Variants in TBXAS1 observed in about 807,000 individuals in gnomAD.
The protein encoded by TBXAS1 is thromboxane-A synthase.
A neutral mutation model predicts 60.7 loss-of-function variants in TBXAS1; 48 were observed. The observed-to-expected ratio is 0.79, with a 90% confidence interval of 0.63 to 1.01. The LOEUF (loss-of-function observed/expected upper bound fraction) is 1.01. Ranked by LOEUF, TBXAS1 falls within the 50% of genes least tolerant of loss-of-function variation. The pLI, the probability that TBXAS1 is intolerant of heterozygous loss-of-function variation, is 0.00. For synonymous variants in TBXAS1, 287 were observed against 269.7 expected (o/e 1.06, Z -0.63); for missense variants, 685 against 686.3 (o/e 1.00, Z 0.02).
intron 2 of TBXAS1, among the ~76,000 whole-genome samples, chr7:139,782,065 G>A (rs2117220016): frequency 6.6e-6 from 1 of 151,976 alleles, no homozygotes; most frequent in African/African-American, 2.4e-5. Flanking sequence ...GGCCTTACCA[G>A]TCATGGGCCT....
intron 10 of TBXAS1, among the ~76,000 whole-genome samples, chr7:140,011,288 AC>A (rs1554508488): frequency 2.1e-5 from 3 of 144,926 alleles, no homozygotes; most frequent in African/African-American, 5.3e-5. Flanking sequence ...AAAAAAACAA[AC>A]AAACAAACAA....
At chr7:139,833,619 A>G (rs919674842) in intron 1 of TBXAS1, among the ~76,000 whole-genome samples, 5 of 151,568 alleles carry the variant, frequency 3.3e-5, no homozygotes, top group Admixed American at 3.3e-4. Context: ...TGGGAGGTGG[A>G]GGTTGCAGTG....
intron 3 of TBXAS1, among the ~76,000 whole-genome samples, chr7:139,785,599 A>G (rs1327446578): frequency 6.6e-6 from 1 of 151,972 alleles, no homozygotes. Context: ...TTTTTTTAAC[A>G]GATGTCCCTG....
At chr7:139,990,560 G>A (rs1306023406) in intron 9 of TBXAS1, among the ~76,000 whole-genome samples, 1 of 152,036 alleles carries the variant, frequency 6.6e-6, no homozygotes, top group Non-Finnish European at 1.5e-5. Context: ...ATCTCTGCTG[G>A]GCAGTCATCT....
intron 8 of TBXAS1, among the ~76,000 whole-genome samples, chr7:139,959,827 G>A (rs1810186315): frequency 6.6e-6 from 1 of 152,176 alleles, no homozygotes; most frequent in African/African-American, 2.4e-5. Flanking sequence ...AGAGGTCTGG[G>A]GGTGCTCTGG....
At chr7:139,935,507 T>C (rs1807679657) in intron 4 of TBXAS1, among the ~76,000 whole-genome samples, 1 of 152,188 alleles carries the variant, frequency 6.6e-6, no homozygotes, top group South Asian at 2.1e-4. Flanking sequence ...TCCGAGGTTC[T>C]TGGGGTCAGG....
At chr7:139,943,300 C>G (rs1317899190) in intron 5 of TBXAS1, among the ~76,000 whole-genome samples, 2 of 152,226 alleles carry the variant, frequency 1.3e-5, no homozygotes, top group Non-Finnish European at 2.9e-5. Context: ...TCTGGAATAG[C>G]TGGGTATTTA....
chr7:139,851,798 G>A (rs892329706), intron 1 of TBXAS1, among the ~76,000 whole-genome samples: 2 of 152,226 alleles, frequency 1.3e-5, no homozygotes, highest in East Asian at 3.8e-4. Flanking sequence ...AGGTGATGTG[G>A]TAGACAGCCT....
chr7:139,868,168 AG>A (rs1163384133), intron 1 of TBXAS1, among the ~76,000 whole-genome samples: 2 of 152,256 alleles, frequency 1.3e-5, no homozygotes, highest in East Asian at 3.8e-4. Context: ...TTCACATCAA[AG>A]GAAACCCATT....
At chr7:139,966,357 A>C (rs553898641) in intron 9 of TBXAS1, among the ~76,000 whole-genome samples, 1 of 152,350 alleles carries the variant, frequency 6.6e-6, no homozygotes, top group South Asian at 2.1e-4. Flanking sequence ...TGATAAAAAA[A>C]ACTCAGCCCA....
At chr7:139,863,683 A>G (rs1801137456) in intron 1 of TBXAS1, among the ~76,000 whole-genome samples, 1 of 152,234 alleles carries the variant, frequency 6.6e-6, no homozygotes. Flanking sequence ...CATGTGAACT[A>G]AACTAATAAC....
At chr7:140,002,255 A>G (rs1450138595) in intron 9 of TBXAS1, among the ~76,000 whole-genome samples, 2 of 152,236 alleles carry the variant, frequency 1.3e-5, no homozygotes, top group Non-Finnish European at 2.9e-5. Context: ...TTGGACCCCC[A>G]GCACCTGGTC....
rs183072901 is a variant in TBXAS1, at chr7:139,910,455, G to A, written c.237-770G>A. Among the ~76,000 whole-genome samples, 571 of 152,196 alleles carry A rather than the reference G, an allele frequency of 3.8e-3. 3 individuals are homozygous for A. Among genetic ancestry groups the A allele is most frequent in the African/African-American group, 0.013 (532 of 41,510 alleles). On this transcript the variant is annotated intron_variant, in intron 3 of 12. Coordinates refer to ENST00000448866, the MANE Select transcript of TBXAS1 (RefSeq NM_001061.7). The stretch of plus-strand genomic sequence containing the variant: ...AGTTCAAGACCAGCCCAGCCAACAA[G>A]GTGAAACGCTGTCTCTACTAAAAAT...
At chr7:139,972,818 G>A (rs10260531) in intron 9 of TBXAS1, among the ~76,000 whole-genome samples, 1 of 152,052 alleles carries the variant, frequency 6.6e-6, no homozygotes, top group East Asian at 1.9e-4. Flanking sequence ...AGCCTCGTCC[G>A]CTGGGTACCT....
chr7:139,883,047 G>A (rs1802818587), intron 3 of TBXAS1, among the ~76,000 whole-genome samples: 1 of 152,172 alleles, frequency 6.6e-6, no homozygotes, highest in Admixed American at 6.5e-5. Flanking sequence ...GTGTGCTGAT[G>A]TTTTAGGAGG....
At chr7:139,908,383 G>A (rs1327470035) in intron 3 of TBXAS1, among the ~76,000 whole-genome samples, 1 of 151,866 alleles carries the variant, frequency 6.6e-6, no homozygotes, top group Admixed American at 6.6e-5. Flanking sequence ...TTATAGTAGT[G>A]TATTTGTTCT....
intron 3 of TBXAS1, among the ~76,000 whole-genome samples, chr7:139,899,118 A>T (rs1584800037): frequency 6.6e-6 from 1 of 152,104 alleles, no homozygotes; most frequent in Non-Finnish European, 1.5e-5. Context: ...CCTGCTCCAG[A>T]TCTATGCCCT....
intron 4 of TBXAS1, among the ~76,000 whole-genome samples, chr7:139,793,824 G>A (rs1797466283): frequency 6.6e-6 from 1 of 152,178 alleles, no homozygotes; most frequent in Non-Finnish European, 1.5e-5. Context: ...GCTTTTCAGA[G>A]CCAAGTGTTG....
chr7:139,840,608 T>C (rs1281213836), intron 1 of TBXAS1, among the ~76,000 whole-genome samples: 1 of 152,174 alleles, frequency 6.6e-6, no homozygotes, highest in Non-Finnish European at 1.5e-5. Flanking sequence ...GTCGGATGCA[T>C]TGGTAGCTGC....
Sources: allele counts gnomAD v4.1 joint callset (sites outside exome capture counted in the v4.1 genomes callset), GRCh38; gene constraint gnomAD v4.1.1; transcripts MANE v1.5; gene names NCBI Gene and HGNC (gene_info 2026-07-23, HGNC 2026-07-21).